Variants in PDE6A observed in about 807,000 individuals in gnomAD.
The protein encoded by PDE6A is phosphodiesterase 6A.
PDE6A carries 84 observed loss-of-function variants against 106.3 expected under a neutral mutation model. The observed-to-expected ratio is 0.79, with a 90% CI of 0.66 to 0.95. PDE6A has a LOEUF of 0.95. Among genes scored for constraint, PDE6A ranks in the 40% least tolerant of loss-of-function variants. PDE6A has a pLI of 0.00. For synonymous variants in PDE6A, 394 were observed against 386.6 expected (o/e 1.02, Z -0.23); for missense variants, 1,052 against 1,084.9 (o/e 0.97, Z 0.43).
intron 8 of PDE6A, among the ~76,000 whole-genome samples, chr5:149,901,945 C>A (rs977722999): frequency 7.2e-5 from 11 of 152,096 alleles, no homozygotes; most frequent in Non-Finnish European, 1.3e-4. Context: ...GCATGCTAAA[C>A]CAAATCAGTA....
chr5:149,868,070 C>T (rs1228720816), intron 18 of PDE6A, 25 bp downstream of exon 18: 2 of 1,610,830 alleles, frequency 1.2e-6, no homozygotes, highest in East Asian at 2.2e-5. Flanking sequence ...GATGCCCCTC[C>T]TCTTGGGTCA....
intron 16 of PDE6A, among the ~76,000 whole-genome samples, chr5:149,884,250 ATATATATGTGTATATATATG>A (rs1304246785): frequency 4.1e-5 from 6 of 146,502 alleles, no homozygotes; most frequent in Non-Finnish European, 9.0e-5. Flanking sequence ...ATATATGTGT[ATATATATGTGTATATATATG>A]TATATATGTG....
At chr5:149,878,905 T>A (rs958518386) in intron 17 of PDE6A, among the ~76,000 whole-genome samples, 2 of 152,176 alleles carry the variant, frequency 1.3e-5, no homozygotes, top group African/African-American at 4.8e-5. Context: ...GGTGCAAATA[T>A]TTACCTCCAG....
intron 5 of PDE6A, among the ~76,000 whole-genome samples, chr5:149,919,245 G>A (rs4705098): frequency 5.3e-5 from 8 of 152,038 alleles, no homozygotes; most frequent in African/African-American, 1.7e-4. Flanking sequence ...GGTGGCTCGC[G>A]CCTGTAATCC....
At position 149,928,208 on chromosome 5, in the gene PDE6A, G is replaced by GATATATATATATATATATAT. The variant is rs1228867964; in HGVS notation, c.858+2819_858+2820insATATATATATATATATATAT. ...TGTACTACAGCTCATAATTGTATGTGCTATATATATATATATATATATATT... is the reference window on the plus strand; with the variant it reads ...TGTACTACAGCTCATAATTGTATGTGATATATATATATATATATATCTATATATATATATATATATATATT... On this transcript the variant is annotated intron_variant, in intron 4 of 21. Coordinates refer to ENST00000255266, the MANE Select transcript of PDE6A (RefSeq NM_000440.3). Among the ~76,000 whole-genome samples the GATATATATATATATATATAT allele has an allele frequency of 1.2e-3, 68 of 57,710 alleles. 3 individuals are homozygous for GATATATATATATATATATAT. The highest frequency in any genetic ancestry group is 3.4e-3 in the African/African-American group (36 of 10,584). 37.9% of individuals were successfully genotyped at this position (57,710 alleles called of 152,430 possible).
chr5:149,886,448 A>G, intron 13 of PDE6A, 74 bp from the exon 14 acceptor site: 1 of 1,104,290 alleles, frequency 9.1e-7, no homozygotes, highest in Non-Finnish European at 1.4e-6. Flanking sequence ...GGCGGGTGTA[A>G]GGAGGAGGGC....
At position 149,896,130 on chromosome 5, in the gene PDE6A, A is replaced by G. The variant is rs78206063; in HGVS notation, c.1620+226T>C. On this transcript the variant is annotated intron_variant, in intron 12 of 21. Coordinates refer to ENST00000255266, the MANE Select transcript of PDE6A (RefSeq NM_000440.3). ...TTCAGGGCTTAGTACCTCAGAACCCACTGCAAGAAACCAACGCACCCAAAA... is the reference window on the plus strand; with the variant it reads ...TTCAGGGCTTAGTACCTCAGAACCCGCTGCAAGAAACCAACGCACCCAAAA... Among the ~76,000 whole-genome samples, 856 of 152,280 alleles carry G rather than the reference A, an allele frequency of 5.6e-3. 5 individuals carry two copies. Among genetic ancestry groups the G allele is most frequent in the African/African-American group, 0.02 (818 of 41,558 alleles).
At chr5:149,927,877 AACACACACATTAGCCTAGACCT>A (rs1753905955) in intron 4 of PDE6A, among the ~76,000 whole-genome samples, 1 of 147,906 alleles carries the variant, frequency 6.8e-6, no homozygotes, top group Admixed American at 6.8e-5. Flanking sequence ...CTAAGACACA[AACACACACATTAGCCTAGACCT>A]ACACAGGGTC....
intron 19 of PDE6A, chr5:149,867,110 G>A (rs564786748): frequency 5.7e-6 from 1 of 174,552 alleles, no homozygotes; most frequent in Non-Finnish European, 1.2e-5. Context: ...GCCTATCCAG[G>A]TGTCAACGGT....
intron 3 of PDE6A, chr5:149,932,194 C>A: frequency 7.1e-6 from 9 of 1,274,846 alleles, no homozygotes; most frequent in Non-Finnish European, 1.0e-5. Context: ...GATGTTCCTT[C>A]AATTGTTGTA....
chr5:149,915,032 CTTTT>C (rs60750624), intron 5 of PDE6A, 25 bp from the exon 6 acceptor site: 17,987 of 782,054 alleles, frequency 0.023, no homozygotes, highest in Admixed American at 0.028. Flanking sequence ...AAAAATTATA[CTTTT>C]TTTTTTTTTT....
At position 149,860,155 on chromosome 5, in the gene PDE6A, G is replaced by A. The variant is rs1319574063; in HGVS notation, c.*740C>T. On this transcript the variant is annotated 3_prime_UTR_variant, in exon 22 of 22. Transcript: ENST00000255266. ...AGTCTGCCCACCTCAGCCTCCTGAA[G>A]TGCTGGGATTACAGGTGTGAGCCAC... 6.6e-6 allele frequency: 1 copy of A among 152,200 alleles called. No individual in the cohort carries two copies. Among genetic ancestry groups the A allele is most frequent in the African/African-American group, 2.4e-5 (1 of 41,420 alleles). The allele number at this position is 152,200 out of a possible 1,614,324, so 9.4% of individuals were successfully genotyped here.
At chr5:149,911,165 G>A (rs1043688226) in intron 6 of PDE6A, among the ~76,000 whole-genome samples, 2 of 152,020 alleles carry the variant, frequency 1.3e-5, no homozygotes, top group African/African-American at 4.8e-5. Context: ...ATAGGTGTGA[G>A]CCACTGTGCC....
intron 20 of PDE6A, among the ~76,000 whole-genome samples, chr5:149,865,150 G>T (rs1184007092): frequency 1.3e-5 from 2 of 150,166 alleles, no homozygotes; most frequent in African/African-American, 2.5e-5. Flanking sequence ...TGAGGCAGGA[G>T]AATTTCTTGA....
At chr5:149,896,293 TTTTTAAAGCAAGCAA>T (rs1218027171) in intron 12 of PDE6A, 48 bp downstream of exon 12, 25 of 1,403,678 alleles carry the variant, frequency 1.8e-5, no homozygotes, top group Non-Finnish European at 2.5e-5. Context: ...TTGAGTCTTT[TTTTTAAAGCAAGCAA>T]GAAAGAAAAT....
rs552096826 is a variant in PDE6A, at chr5:149,915,321, C to T, written c.934-314G>A. 5.3e-5 allele frequency among the ~76,000 whole-genome samples: 8 copies of T among 152,256 alleles called. No homozygotes were observed. In the East Asian group the frequency reaches 1.5e-3, roughly 29 times the overall value. ...ACTGCACCCAGCCAAAAAATTATAC[C>T]TTCAAGAGTCAAATAGAAGTTCAAC... is the stretch of plus-strand genomic sequence containing the variant. On this transcript the variant is annotated intron_variant, in intron 5 of 21. Transcript: ENST00000255266.
At chr5:149,875,789 T>C (rs1184558187) in intron 17 of PDE6A, among the ~76,000 whole-genome samples, 2 of 152,214 alleles carry the variant, frequency 1.3e-5, no homozygotes, top group African/African-American at 2.4e-5. Flanking sequence ...TGCCTGGCCA[T>C]ACTGACTTTT....
chr5:149,920,942 A>AAAAGAAAGAAAGAAAGAAAGAAAGAAAG (rs3049632), intron 5 of PDE6A, among the ~76,000 whole-genome samples: 71 of 108,346 alleles, frequency 6.6e-4, no homozygotes, highest in Non-Finnish European at 8.3e-4. Flanking sequence ...GAAAGAGAGA[A>AAAAGAAAGAAAGAAAGAAAGAAAGAAAG]AAAGAAAGAA....
intron 17 of PDE6A, among the ~76,000 whole-genome samples, chr5:149,874,316 C>T (rs1401342014): frequency 5.9e-5 from 9 of 152,164 alleles, no homozygotes; most frequent in African/African-American, 1.9e-4. Flanking sequence ...TCTGACTTGG[C>T]AACAAAGTTG....
Sources: allele counts gnomAD v4.1 joint callset (sites outside exome capture counted in the v4.1 genomes callset), GRCh38; gene constraint gnomAD v4.1.1; transcripts MANE v1.5; gene names NCBI Gene and HGNC (gene_info 2026-07-23, HGNC 2026-07-21).